The following LSS variants were observed in gnomAD, a reference collection of about 807,000 sequenced individuals.
The protein encoded by LSS is 2,3-epoxysqualene-lanosterol cyclase.
Under a neutral mutation model 110.3 loss-of-function variants are expected in LSS, and 90 were observed. The ratio of observed to expected loss-of-function variants is 0.82; its 90% CI spans 0.69 to 0.97. LSS has a LOEUF of 0.97. Among genes scored for constraint, LSS ranks in the 50% least tolerant of loss-of-function variants. The pLI is 0.00. For synonymous variants in LSS, 433 were observed against 400.0 expected, an observed-to-expected ratio of 1.08 and a Z score of -0.98; for missense variants, 927 against 990.0, an observed-to-expected ratio of 0.94 and a Z score of 0.85.
At chr21:46,215,398 T>TAGGGGGGGGC in intron 8 of LSS, 100 bp from the exon 9 acceptor site, 1 of 763,020 alleles carries the variant, frequency 1.3e-6, no homozygotes, top group Non-Finnish European at 2.1e-6. Context: ...TCCCAGGGTT[T>TAGGGGGGGGC]CCCCCTCCCA....
At chr21:46,205,584 T>C (rs2080036614) in intron 17 of LSS, among the ~76,000 whole-genome samples, 1 of 152,266 alleles carries the variant, frequency 6.6e-6, no homozygotes, top group African/African-American at 2.4e-5. Flanking sequence ...AGGTATGTGA[T>C]GTCTTCTTAA....
intron 3 of LSS, chr21:46,224,526 G>C (rs1257796003): frequency 2.6e-5 from 4 of 152,250 alleles, no homozygotes; most frequent in African/African-American, 9.7e-5. Flanking sequence ...CTCAGAGACA[G>C]CGCACAGGGT....
chr21:46,219,240 C>T (rs2080244143), intron 6 of LSS, among the ~76,000 whole-genome samples: 1 of 152,174 alleles, frequency 6.6e-6, no homozygotes, highest in Non-Finnish European at 1.5e-5. Flanking sequence ...CAGCCTGACT[C>T]GGGGTACCTC....
intron 17 of LSS, among the ~76,000 whole-genome samples, chr21:46,203,627 G>A (rs1014655491): frequency 2.6e-5 from 4 of 152,168 alleles, no homozygotes; most frequent in Admixed American, 6.5e-5. Context: ...GACAACTCAC[G>A]CCCACCTCAT....
intron 18 of LSS, 124 bp downstream of exon 18, chr21:46,196,078 G>T: frequency 1.0e-6 from 1 of 972,852 alleles, no homozygotes; most frequent in Non-Finnish European, 1.6e-6. Flanking sequence ...CGGGCTGGCA[G>T]CTCACTTCCA....
At chr21:46,204,486 A>G (rs932762430) in intron 17 of LSS, among the ~76,000 whole-genome samples, 1 of 152,100 alleles carries the variant, frequency 6.6e-6, no homozygotes, top group African/African-American at 2.4e-5. Context: ...ACAACTTTGC[A>G]TGAATCAGTG....
At chr21:46,191,554 C>T (rs1381344316) in intron 21 of LSS, among the ~76,000 whole-genome samples, 2 of 152,222 alleles carry the variant, frequency 1.3e-5, no homozygotes, top group East Asian at 3.8e-4. Context: ...ACCCACACCA[C>T]AGGGACTTCT....
intron 16 of LSS, 43 bp from the exon 17 acceptor site, chr21:46,205,984 G>C (rs747607620): frequency 1.4e-6 from 2 of 1,438,006 alleles, no homozygotes; most frequent in South Asian, 1.2e-5. Flanking sequence ...TTTCACCCTG[G>C]CTGCCCAGGC....
intron 17 of LSS, among the ~76,000 whole-genome samples, chr21:46,199,125 G>A (rs7280110): frequency 0.57 from 86,832 of 151,964 alleles, 24,976 homozygotes; most frequent in East Asian, 0.69. Context: ...AAATATTTGC[G>A]AAAGACATAT....
intron 3 of LSS, chr21:46,225,325 G>A (rs988251459): frequency 1.3e-5 from 6 of 445,246 alleles, no homozygotes; most frequent in Admixed American, 4.8e-5. Flanking sequence ...CCACTAGAGG[G>A]CTCCTTGGTC....
At position 46,227,704 on chromosome 21, in the gene LSS, GA is replaced by G. The variant is rs10550493; in HGVS notation, c.181-15del. The G allele has an allele frequency of 0.037, 47,955 of 1,308,492 alleles. No individual in the cohort carries two copies. Among genetic ancestry groups the G allele is most frequent in the East Asian group, 0.094 (3,190 of 33,864 alleles). 81.1% of individuals were successfully genotyped at this position (1,308,492 alleles called of 1,614,324 possible). A position where few individuals can be genotyped will look rare whatever the true frequency, so the allele number is the denominator to read the frequency against. ...AAAGTAATTCTTCTGCAAAGAGATC[GA>G]AAAAAAAAAAAAGAGATAGCTGACG... On this transcript the variant is annotated splice_polypyrimidine_tract_variant and intron_variant, in intron 2 of 21. Coordinates refer to ENST00000397728, the MANE Select transcript of LSS (RefSeq NM_002340.6).
rs762478332 is a variant in LSS at position 46,196,250 on chromosome 21, C to G, written c.1688G>C (p.Gly563Ala). The change falls in exon 18 of 22, where the codon GGC becomes GCC. Residue 563 changes from glycine to alanine, a missense_variant. Transcript: ENST00000397728. ...AAEIRETLTQGLEFCRRQQRA... is the reference protein window; with the variant it reads ...AAEIRETLTQALEFCRRQQRA... ...CTGCTGCCGCCGACAGAACTCTAAGCCCTGCGTGAGGGTCTCCCTGGAACA... is the reference window on the plus strand; with the variant it reads ...CTGCTGCCGCCGACAGAACTCTAAGGCCTGCGTGAGGGTCTCCCTGGAACA... The G allele has an allele frequency of 6.2e-7, 1 of 1,614,156 alleles. No homozygotes were observed. Among genetic ancestry groups the G allele is most frequent in the Non-Finnish European group, 8.5e-7 (1 of 1,180,028 alleles).
chr21:46,223,650 T>C (rs184445718), intron 3 of LSS, among the ~76,000 whole-genome samples: 1 of 152,370 alleles, frequency 6.6e-6, no homozygotes, highest in African/African-American at 2.4e-5. Context: ...TTGTAGTAAT[T>C]ACTCTTTATC....
At chr21:46,222,081 G>A (rs2080286280) in intron 4 of LSS, 106 bp from the exon 5 acceptor site, 6 of 1,342,016 alleles carry the variant, frequency 4.5e-6, no homozygotes, top group Non-Finnish European at 6.2e-6. Flanking sequence ...ATGCTAAAAT[G>A]CCTTAACCTG....
rs770195249 is a variant in LSS, at chr21:46,193,193, C to T, written c.1989-1234G>A. The T allele has an allele frequency of 1.8e-5, 8 of 450,160 alleles. 1 individual carries two copies. The highest frequency in any genetic ancestry group is 1.3e-4 in the South Asian group (8 of 63,960). The allele number at this position is 450,160 out of a possible 1,614,324, so 27.9% of individuals were successfully genotyped here. A position where few individuals can be genotyped will look rare whatever the true frequency, so the allele number is the denominator to read the frequency against. On this transcript the variant is annotated intron_variant, in intron 20 of 21. Transcript: ENST00000397728. ...CATGTACCTATGTCTGTGTGTGGCA[C>T]AGATGGGATGCTGTGGGTGTATCTG...
rs746911860 is a variant in LSS at position 46,228,436 on chromosome 21, T to C, written c.178A>G (p.Thr60Ala). The C allele has an allele frequency of 1.9e-6, 3 of 1,602,274 alleles. No homozygotes were observed. Residue 60 changes from threonine to alanine, a missense_variant and splice_region_variant, in exon 2 of 22, where the codon ACC (threonine) becomes GCC (alanine). Transcript: ENST00000397728. The part of the protein sequence containing the change: ...GLEAYALGLD[T>A]KNYFKDLPKA... ...GACGCTCCGCGGAAGCAACTTACGGTGTCCAGCCCCAGGGCGTAGGCTTCC... is the reference window on the plus strand; with the variant it reads ...GACGCTCCGCGGAAGCAACTTACGGCGTCCAGCCCCAGGGCGTAGGCTTCC...
At chr21:46,200,035 C>T (rs1157076323) in intron 17 of LSS, among the ~76,000 whole-genome samples, 1 of 152,136 alleles carries the variant, frequency 6.6e-6, no homozygotes, top group Admixed American at 6.5e-5. Flanking sequence ...GAGTTAGCGG[C>T]TTTATGGGAA....
chr21:46,220,728 G>C (rs563263013), intron 5 of LSS, among the ~76,000 whole-genome samples: 67 of 152,348 alleles, frequency 4.4e-4, no homozygotes, highest in African/African-American at 1.5e-3. Flanking sequence ...GGGCCTATAG[G>C]CAAGAGGAGA....
At chr21:46,204,066 G>A (rs2080014030) in intron 17 of LSS, among the ~76,000 whole-genome samples, 1 of 152,204 alleles carries the variant, frequency 6.6e-6, no homozygotes, top group African/African-American at 2.4e-5. Context: ...GCCAAGGAAG[G>A]TGGATCACCT....
Sources: allele counts gnomAD v4.1 joint callset (sites outside exome capture counted in the v4.1 genomes callset), GRCh38; gene constraint gnomAD v4.1.1; transcripts MANE v1.5; gene names NCBI Gene and HGNC (gene_info 2026-07-23, HGNC 2026-07-21).